The following ENTR1 variants were observed in gnomAD, a reference collection of about 807,000 sequenced individuals.
ENTR1 encodes the protein endosome-associated-trafficking regulator 1.
A neutral mutation model predicts 47.9 loss-of-function variants in ENTR1; 47 were observed. The observed-to-expected ratio is 0.98, with a 90% CI of 0.78 to 1.25. The LOEUF is 1.25. ENTR1 is among the 50% of genes most tolerant of loss of function. The probability of loss-of-function intolerance (pLI) is 0.00; values close to 1 mark genes in which losing one functional copy is unlikely to be tolerated. For synonymous variants in ENTR1, 290 were observed against 245.8 expected (o/e 1.18, Z -1.68); for missense variants, 668 against 570.5 (o/e 1.17, Z -1.74).
rs769962033 is a variant in ENTR1 at position 136,405,959 on chromosome 9, T to G, written c.839A>C (p.Lys280Thr). 5 of 1,609,508 alleles carry G rather than the reference T, an allele frequency of 3.1e-6. No homozygotes were observed. The African/African-American group carries it at 6.7e-5, about 22-fold the overall frequency. ...SYDALKDENS[K>T]LRRKLNEVQS... ...AACCTCATTCAGCTTTCTTCTCAGC[T>G]TAGAATTTTCATCTTTCAGCTGTGG... The change falls in exon 6 of 10, where the codon AAG becomes ACG. Residue 280 changes from lysine to threonine, a missense_variant. Physicochemically the swap from Lys to Thr is moderately conservative, Grantham distance 78. Coordinates refer to ENST00000357365, the MANE Select transcript of ENTR1 (RefSeq NM_001039707.2).
intron 8 of ENTR1, 93 bp downstream of exon 8, chr9:136,404,538 A>C (rs1429144325): frequency 2.2e-6 from 3 of 1,369,680 alleles, no homozygotes; most frequent in African/African-American, 2.9e-5. Context: ...GCTCAGGGGA[A>C]ACCCCAGCAG....
rs192238051 is a variant in ENTR1 at position 136,408,572 on chromosome 9, T to C, written c.289+427A>G. 4.3e-3 allele frequency among the ~76,000 whole-genome samples: 651 copies of C among 152,100 alleles called. 3 individuals are homozygous for C. The highest frequency in any genetic ancestry group is 0.015 in the African/African-American group (617 of 41,496). On this transcript the variant is annotated intron_variant, in intron 3 of 9. Coordinates refer to ENST00000357365, the MANE Select transcript of ENTR1 (RefSeq NM_001039707.2). ...CAGCCTGGGCGACAGAGCGAGACTC[T>C]GTCTCAAAAAACAACAACAACAACC...
chr9:136,406,239 G>C (rs183694074), intron 5 of ENTR1, among the ~76,000 whole-genome samples: 2,934 of 152,198 alleles, frequency 0.019, 40 homozygotes, highest in Non-Finnish European at 0.028. Context: ...GGAGGCCGAG[G>C]TGGGCGGATC....
rs887371250 is a variant in ENTR1, at chr9:136,410,480, C to T, written c.-83G>A. The T allele has an allele frequency of 1.4e-3, 1,386 of 972,618 alleles. No homozygotes were observed. The highest frequency in any genetic ancestry group is 1.5e-3 in the Non-Finnish European group (1,237 of 807,998). 60.2% of individuals were successfully genotyped at this position (972,618 alleles called of 1,614,324 possible). ...CCGGCTCCGCCCGTGCCGCGGCCCGCGTCGCCCGCCCCCGTCGCCCGCCCC... is the reference window on the plus strand; with the variant it reads ...CCGGCTCCGCCCGTGCCGCGGCCCGTGTCGCCCGCCCCCGTCGCCCGCCCC... On this transcript the variant is annotated 5_prime_UTR_variant, in exon 1 of 10. Transcript: ENST00000357365.
chr9:136,404,545 G>A, intron 8 of ENTR1, 86 bp downstream of exon 8: 1 of 1,416,248 alleles, frequency 7.1e-7, no homozygotes, highest in East Asian at 2.3e-5. Flanking sequence ...GGAAACCCCA[G>A]CAGAGTCTTT....
intron 6 of ENTR1, among the ~76,000 whole-genome samples, chr9:136,405,595 A>C (rs1224181303): frequency 3.3e-5 from 5 of 152,190 alleles, no homozygotes; most frequent in African/African-American, 1.2e-4. Flanking sequence ...TTTAAAAATT[A>C]GCCAGGTGCA....
chr9:136,407,519 G>A lies in ENTR1; in HGVS notation c.445C>T (p.Pro149Ser), dbSNP rs201579939. The A allele has an allele frequency of 3.4e-4, 540 of 1,610,622 alleles. No individual in the cohort carries two copies. Among genetic ancestry groups the A allele is most frequent in the Non-Finnish European group, 4.3e-4 (505 of 1,179,576 alleles). Residue 149 changes from proline (P) to serine (S), a missense_variant, in exon 5 of 10, where the codon CCC (proline) becomes TCC (serine). Pro to Ser is a moderately conservative substitution (Grantham distance 74). Transcript: ENST00000357365. ...HSLGLDHNSP[P>S]SQTGGYGLEY... is the part of the protein sequence containing the mutation. ...AGGCCATACCCGCCGGTTTGGGAGG[G>A]TGGGGAGTTGTGGTCAAGTCCCAGG...
chr9:136,406,575 C>G (rs912283471), intron 5 of ENTR1, among the ~76,000 whole-genome samples: 1 of 152,016 alleles, frequency 6.6e-6, no homozygotes, highest in Non-Finnish European at 1.5e-5. Flanking sequence ...CTCCCGGGTT[C>G]AAGCGATTCT....
Position 136,407,818 on chromosome 9 carries a change from G to T in ENTR1, c.402+8C>A, listed in dbSNP as rs1490633125. The T allele has an allele frequency of 6.3e-7, 1 of 1,595,928 alleles. No homozygotes were observed. The highest frequency in any genetic ancestry group is 8.6e-7 in the Non-Finnish European group (1 of 1,163,574). On this transcript the variant is annotated splice_region_variant and intron_variant, in intron 4 of 9. Transcript: ENST00000357365. ...ACAGAGCCATCGCCCACAGTGCCGTGGATTTACCTTTGCATAAATTCTGCT... is the reference window on the plus strand; with the variant it reads ...ACAGAGCCATCGCCCACAGTGCCGTTGATTTACCTTTGCATAAATTCTGCT...
rs1834802938 is a variant in ENTR1, at chr9:136,407,138, C to G, written c.819+7G>C. On this transcript the variant is annotated splice_region_variant and intron_variant, in intron 5 of 9. Transcript: ENST00000357365. ...CTGTGCCAGAGGGCGCCGTGAGGCT[C>G]ACTTACTGCGTCGTAACTTATCTGC... 4 of 1,582,978 alleles carry G rather than the reference C, an allele frequency of 2.5e-6. No homozygotes were observed. Among genetic ancestry groups the G allele is most frequent in the Non-Finnish European group, 3.4e-6 (4 of 1,160,180 alleles).
At position 136,402,882 on chromosome 9, in the gene ENTR1, A is replaced by G; in HGVS notation, c.1214T>C (p.Leu405Pro). 6.4e-7 allele frequency: 1 copy of G among 1,554,952 alleles called. No individual in the cohort carries two copies. ...ATTCAGTGTCTCAGCTCCGGAAACC[A>G]GTTGCCTGAAAACAAGCATGGATAT... ...MNSAQASIKQ[L>P]VSGAETLNLV... The change falls in exon 10 of 10, where the codon CTG becomes CCG. Residue 405 changes from leucine (L) to proline (P), a missense_variant. Coordinates refer to ENST00000357365, the MANE Select transcript of ENTR1 (RefSeq NM_001039707.2).
intron 8 of ENTR1, 55 bp from the exon 9 acceptor site, chr9:136,404,249 A>C: frequency 1.3e-6 from 2 of 1,550,762 alleles, no homozygotes; most frequent in African/African-American, 1.4e-5. Context: ...CCCGGCTGAA[A>C]GTCACCACCT....
rs1233945911 is a variant in ENTR1, at chr9:136,402,041, C to T, written c.*747G>A. On this transcript the variant is annotated 3_prime_UTR_variant, in exon 10 of 10. Transcript: ENST00000357365. ...AAAAGCATTTAGTGCTCATCGCCGT[C>T]CCTCTGAGGGGGGCCGTCAGAAAGG... is the stretch of plus-strand genomic sequence containing the variant. 1 of 152,690 alleles carries T rather than the reference C, an allele frequency of 6.5e-6. No individual in the cohort carries two copies. The highest frequency in any genetic ancestry group is 1.5e-5 in the Non-Finnish European group (1 of 68,084). The allele number at this position is 152,690 out of a possible 1,614,324, so 9.5% of individuals were successfully genotyped here. A position where few individuals can be genotyped will look rare whatever the true frequency, so the allele number is the denominator to read the frequency against.
chr9:136,408,438 C>T (rs758477598), intron 3 of ENTR1, among the ~76,000 whole-genome samples: 7 of 151,954 alleles, frequency 4.6e-5, no homozygotes, highest in Non-Finnish European at 7.4e-5. Context: ...ATTAGCCAGG[C>T]GTGGTGGTGA....
intron 3 of ENTR1, 150 bp from the exon 4 acceptor site, chr9:136,408,088 G>A: frequency 1.6e-6 from 1 of 606,098 alleles, no homozygotes; most frequent in Non-Finnish European, 3.0e-6. Flanking sequence ...GCACTAGGAA[G>A]TGTGAAGGTG....
At chr9:136,407,117 G>A in intron 5 of ENTR1, 28 bp downstream of exon 5, 2 of 1,561,328 alleles carry the variant, frequency 1.3e-6, no homozygotes, top group South Asian at 1.2e-5. Context: ...CAGGCGCTGT[G>A]CCAGAGGGCG....
In ENTR1 at chr9:136,402,611, G is replaced by T; in HGVS notation, c.*177C>A. On this transcript the variant is annotated 3_prime_UTR_variant, in exon 10 of 10. Transcript: ENST00000357365. Reference sequence around the variant, plus strand: ...AGAAACCACAGAGACAACTCGGCCAGGGCTGCTCCCATTGTGGTGGCCAAG... The same window carrying T: ...AGAAACCACAGAGACAACTCGGCCATGGCTGCTCCCATTGTGGTGGCCAAG... 1 of 526,826 alleles carries T rather than the reference G, an allele frequency of 1.9e-6. No individual in the cohort carries two copies. The highest frequency in any genetic ancestry group is 3.4e-6 in the Non-Finnish European group (1 of 296,678). 32.6% of individuals were successfully genotyped at this position (526,826 alleles called of 1,614,324 possible). A position where few individuals can be genotyped will look rare whatever the true frequency, so the allele number is the denominator to read the frequency against.
intron 5 of ENTR1, among the ~76,000 whole-genome samples, chr9:136,406,617 C>T (rs1411064329): frequency 6.6e-6 from 1 of 151,936 alleles, no homozygotes; most frequent in Non-Finnish European, 1.5e-5. Flanking sequence ...GCTGGGACTA[C>T]AGGCGCCTGC....
At position 136,404,641 on chromosome 9, in the gene ENTR1, C is replaced by G. The variant is rs760067612; in HGVS notation, c.1058G>C (p.Ser353Thr). The change falls in exon 8 of 10, where the codon AGT (serine) becomes ACT (threonine). Residue 353 changes from serine (S) to threonine (T), a missense_variant. Physicochemically the swap from Ser to Thr is moderately conservative, Grantham distance 58 (BLOSUM62 1). Transcript: ENST00000357365. ...CCTTCCTTTAATTACCTGGAGCAAACTGATTTCCTGTTTTAGTTTCACGAC... is the reference window on the plus strand; with the variant it reads ...CCTTCCTTTAATTACCTGGAGCAAAGTGATTTCCTGTTTTAGTTTCACGAC... ...NHVVKLKQEI[S>T]LLQAQVSNFQ... 1.2e-6 allele frequency: 2 copies of G among 1,614,106 alleles called. No homozygotes were observed. The highest frequency in any genetic ancestry group is 2.2e-5 in the South Asian group (2 of 91,086).
Sources: gnomAD v4.1 joint callset for allele counts (sites outside exome capture counted in the v4.1 genomes callset) on GRCh38, gnomAD v4.1.1 for gene constraint, MANE v1.5 for transcripts, NCBI Gene and HGNC (gene_info 2026-07-23, HGNC 2026-07-21) for gene names.